Variants in CMIP observed in about 807,000 individuals in gnomAD.
The protein encoded by CMIP is C-Maf-inducing protein.
Under a neutral mutation model 97.3 loss-of-function variants are expected in CMIP, and 13 were observed. The observed-to-expected ratio is 0.13, with a 90% CI of 0.09 to 0.21. The LOEUF (loss-of-function observed/expected upper bound fraction) is 0.21, where lower values mean the gene tolerates loss of function less well. CMIP is among the 10% of genes least tolerant of loss of function. CMIP has a pLI of 1.00. For missense variants in CMIP, 847 were observed against 1,024.9 expected (o/e 0.83, Z 2.37); for synonymous variants, 538 against 436.3 (o/e 1.23, Z -2.91).
chr16:81,688,531 T>C (rs1183060657), intron 10 of CMIP, among the ~76,000 whole-genome samples: 1 of 152,252 alleles, frequency 6.6e-6, no homozygotes, highest in East Asian at 1.9e-4. Context: ...ACTGACTTTA[T>C]TGTGCTCTTG....
At chr16:81,489,232 G>T (rs1260915052) in intron 1 of CMIP, among the ~76,000 whole-genome samples, 1 of 152,168 alleles carries the variant, frequency 6.6e-6, no homozygotes, top group Admixed American at 6.5e-5. Context: ...GCACTCAGAG[G>T]CTGACTTGAG....
chr16:81,563,186 G>A (rs956668319), intron 1 of CMIP, among the ~76,000 whole-genome samples: 2 of 152,192 alleles, frequency 1.3e-5, no homozygotes, highest in Non-Finnish European at 2.9e-5. Flanking sequence ...GTCTACAGGC[G>A]AGCCACAACC....
At chr16:81,677,324 G>A (rs567105432) in intron 9 of CMIP, among the ~76,000 whole-genome samples, 3 of 152,274 alleles carry the variant, frequency 2.0e-5, no homozygotes. Context: ...TTAATTAGGG[G>A]TAGATCATTT....
At chr16:81,496,903 G>A (rs1478617927) in intron 1 of CMIP, among the ~76,000 whole-genome samples, 1 of 152,284 alleles carries the variant, frequency 6.6e-6, no homozygotes, top group African/African-American at 2.4e-5. Context: ...GGCAGTGCCC[G>A]GGACACCCAC....
In CMIP at chr16:81,447,557, G is replaced by A. The variant is rs569762824; in HGVS notation, c.300+2016G>A. Among the ~76,000 whole-genome samples, 10 of 152,330 alleles carry A rather than the reference G, an allele frequency of 6.6e-5. No homozygotes were observed. In the South Asian group the frequency reaches 2.1e-3, roughly 32 times the overall value. ...AGGTAGGTGGCACCATCGGTAGTGTGGGCCTTTCCGGAAAGCACCTGTCTA... is the reference window on the plus strand; with the variant it reads ...AGGTAGGTGGCACCATCGGTAGTGTAGGCCTTTCCGGAAAGCACCTGTCTA... On this transcript the variant is annotated intron_variant, in intron 1 of 20. Transcript: ENST00000537098.
At chr16:81,482,777 A>G (rs1258986018) in intron 1 of CMIP, among the ~76,000 whole-genome samples, 1 of 152,240 alleles carries the variant, frequency 6.6e-6, no homozygotes, top group African/African-American at 2.4e-5. Context: ...GTTTGAATCC[A>G]AACTCCACCA....
chr16:81,489,238 T>C (rs1277568688), intron 1 of CMIP, among the ~76,000 whole-genome samples: 1 of 152,024 alleles, frequency 6.6e-6, no homozygotes, highest in Non-Finnish European at 1.5e-5. Flanking sequence ...AGAGGCTGAC[T>C]TGAGGGGTGA....
intron 1 of CMIP, among the ~76,000 whole-genome samples, chr16:81,490,569 G>A (rs1031512716): frequency 6.6e-6 from 1 of 152,186 alleles, no homozygotes; most frequent in Non-Finnish European, 1.5e-5. Context: ...GCAGTGAGCC[G>A]GGATTACGCC....
chr16:81,620,839 A>G (rs750554751), intron 2 of CMIP, 37 bp from the exon 3 acceptor site: 4 of 1,613,082 alleles, frequency 2.5e-6, no homozygotes, highest in Non-Finnish European at 2.5e-6. Context: ...CCGCAAGCTG[A>G]TGACCGGACC....
At chr16:81,601,723 C>T (rs2091660890) in intron 1 of CMIP, among the ~76,000 whole-genome samples, 1 of 152,254 alleles carries the variant, frequency 6.6e-6, no homozygotes, top group African/African-American at 2.4e-5. Context: ...CATTCTCCAG[C>T]TCCCATGGAA....
chr16:81,642,485 C>T (rs573311155), intron 3 of CMIP, among the ~76,000 whole-genome samples: 1 of 152,292 alleles, frequency 6.6e-6, no homozygotes, highest in East Asian at 1.9e-4. Flanking sequence ...CTAAAAGACC[C>T]CTTACACCCT....
rs1250987498 is a variant in CMIP, at chr16:81,616,285, G to A, written c.427-4591G>A. On this transcript the variant is annotated intron_variant, in intron 2 of 20. Coordinates refer to ENST00000537098, the MANE Select transcript of CMIP (RefSeq NM_198390.3). This position sits in a 1 kb window ranked among gnomAD's most constrained non-coding sequence, Gnocchi z 4.7. Reference sequence around the variant, plus strand: ...GCCAGCCTCAGGGTGTGGGCCGAGGGCTTGAAGAAGTGGCCGCCAGAAGCT... The same window carrying A: ...GCCAGCCTCAGGGTGTGGGCCGAGGACTTGAAGAAGTGGCCGCCAGAAGCT... Among the ~76,000 whole-genome samples the A allele has an allele frequency of 6.6e-6, 1 of 152,138 alleles. No homozygotes were observed. The highest frequency in any genetic ancestry group is 1.5e-5 in the Non-Finnish European group (1 of 68,020).
At chr16:81,500,742 G>A (rs2089594338) in intron 1 of CMIP, among the ~76,000 whole-genome samples, 1 of 151,762 alleles carries the variant, frequency 6.6e-6, no homozygotes, top group Admixed American at 6.6e-5. Flanking sequence ...ACCCACCTTG[G>A]CCTCCCAAAG....
chr16:81,582,316 T>C (rs185694981), intron 1 of CMIP, among the ~76,000 whole-genome samples: 2 of 152,232 alleles, frequency 1.3e-5, no homozygotes, highest in Admixed American at 1.3e-4. Flanking sequence ...AATATTTTTT[T>C]TGCCAACTTG....
intron 1 of CMIP, among the ~76,000 whole-genome samples, chr16:81,550,170 A>G (rs769299776): frequency 6.6e-6 from 1 of 152,206 alleles, no homozygotes; most frequent in Admixed American, 6.5e-5. Flanking sequence ...TTACTGTTCC[A>G]CAGTGGATAC....
In CMIP at chr16:81,445,517, C is replaced by A. The variant is rs760617170; in HGVS notation, c.276C>A (p.Ala92=). Residue 92 remains alanine (A), a synonymous_variant, in exon 1 of 21, where the codon GCC becomes GCA. Coordinates refer to ENST00000537098, the MANE Select transcript of CMIP (RefSeq NM_198390.3). Reference sequence around the variant, plus strand: ...GGGAGCCGCACCACCTAACGCTGGCCGACAACAGCCTGGCGTCCGCCACGG... The same window carrying A: ...GGGAGCCGCACCACCTAACGCTGGCAGACAACAGCCTGGCGTCCGCCACGG... ...RRWEPHHLTL[A]DNSLASATPT... 4 of 1,550,286 alleles carry A rather than the reference C, an allele frequency of 2.6e-6. No individual in the cohort carries two copies. The highest frequency in any genetic ancestry group is 2.4e-5 in the South Asian group (2 of 84,130).
intron 6 of CMIP, among the ~76,000 whole-genome samples, 190 bp downstream of exon 6, chr16:81,661,136 G>C (rs1356258168): frequency 6.6e-6 from 1 of 152,252 alleles, no homozygotes; most frequent in Non-Finnish European, 1.5e-5. Context: ...CTGCCAGACA[G>C]GTGACAAAGA....
chr16:81,496,643 G>A (rs2150772306), intron 1 of CMIP, among the ~76,000 whole-genome samples: 1 of 152,320 alleles, frequency 6.6e-6, no homozygotes, highest in Middle Eastern at 3.4e-3. Flanking sequence ...GTGCTTCCAG[G>A]GATTTGGTAT....
rs375436546 is a variant in CMIP, at chr16:81,659,492, C to T, written c.682-1392C>T. Among the ~76,000 whole-genome samples, 109 of 152,208 alleles carry T rather than the reference C, an allele frequency of 7.2e-4. No homozygotes were observed. The South Asian group carries it at 0.011, about 15-fold the overall frequency. ...GATAGATAGGAGAATGTCAGGTAAA[C>T]GGAGCAAGCTGGGGAAGGCAGTTCA... On this transcript the variant is annotated intron_variant, in intron 5 of 20. Transcript: ENST00000537098.
Sources: allele counts gnomAD v4.1 joint callset (sites outside exome capture counted in the v4.1 genomes callset), GRCh38; gene constraint gnomAD v4.1.1; non-coding constraint Gnocchi (gnomAD v3.1); transcripts MANE v1.5; gene names NCBI Gene and HGNC (gene_info 2026-07-23, HGNC 2026-07-21).